Variants in VPS8 observed in about 807,000 individuals in gnomAD.
The protein encoded by VPS8 is vacuolar protein sorting-associated protein 8 homolog.
VPS8 carries 129 observed loss-of-function variants against 216.4 expected under a neutral mutation model. The observed-to-expected ratio is 0.60, with a 90% confidence interval of 0.52 to 0.69. The LOEUF is 0.69. Ranked by LOEUF, VPS8 falls within the 30% of genes least tolerant of loss-of-function variation. The pLI is 0.00. For synonymous variants in VPS8, 571 were observed against 565.4 expected (o/e 1.01, Z -0.14); for missense variants, 1,531 against 1,683.5 (o/e 0.91, Z 1.59).
chr3:185,006,206 G>T (rs1225326071), intron 45 of VPS8, among the ~76,000 whole-genome samples: 2 of 152,164 alleles, frequency 1.3e-5, no homozygotes, highest in Non-Finnish European at 2.9e-5. Flanking sequence ...TCTTGCATAA[G>T]ATATTGTAAA....
chr3:184,872,330 G>T (rs1400800255), intron 21 of VPS8, among the ~76,000 whole-genome samples: 1 of 151,946 alleles, frequency 6.6e-6, no homozygotes, highest in Non-Finnish European at 1.5e-5. Flanking sequence ...GGGAAAACGT[G>T]GTAGAGAGCT....
chr3:185,044,858 A>AT (rs1401448218), intron 46 of VPS8, among the ~76,000 whole-genome samples: 4 of 152,326 alleles, frequency 2.6e-5, no homozygotes, highest in Middle Eastern at 3.4e-3. Flanking sequence ...ATGAGGGTCT[A>AT]TGAAGAGTCA....
chr3:185,007,556 G>A (rs1264296733), intron 45 of VPS8, among the ~76,000 whole-genome samples: 4 of 152,254 alleles, frequency 2.6e-5, no homozygotes, highest in South Asian at 2.1e-4. Flanking sequence ...AGTTAACAGG[G>A]CTTGGCGTTC....
chr3:184,965,535 T>C (rs1428970979), intron 38 of VPS8, among the ~76,000 whole-genome samples: 1 of 152,198 alleles, frequency 6.6e-6, no homozygotes, highest in Admixed American at 6.5e-5. Context: ...GCAGCTTCAC[T>C]AGGGCTCCGC....
chr3:184,857,197 G>A (rs1487531412), intron 14 of VPS8, among the ~76,000 whole-genome samples: 1 of 152,224 alleles, frequency 6.6e-6, no homozygotes, highest in Non-Finnish European at 1.5e-5. Context: ...AACTTGTGGT[G>A]GAAAATATAA....
chr3:184,998,054 G>C (rs1400955444), intron 44 of VPS8, among the ~76,000 whole-genome samples: 2 of 152,182 alleles, frequency 1.3e-5, no homozygotes, highest in African/African-American at 4.8e-5. Context: ...GAGGAGGCTA[G>C]TGGCACCTGA....
intron 5 of VPS8, among the ~76,000 whole-genome samples, chr3:184,838,136 G>C (rs923005868): frequency 2.6e-4 from 40 of 152,194 alleles, no homozygotes; most frequent in African/African-American, 9.2e-4. Context: ...TTGAACAGAT[G>C]AGGAGACTAA....
chr3:185,022,048 A>G (rs190897896), intron 45 of VPS8, among the ~76,000 whole-genome samples: 46 of 152,272 alleles, frequency 3.0e-4, no homozygotes, highest in Non-Finnish European at 1.5e-5. Context: ...GTGTCGGGAA[A>G]GGGACCTGGT....
At chr3:184,888,628 G>GA (rs1355527050) in intron 22 of VPS8, among the ~76,000 whole-genome samples, 2 of 152,150 alleles carry the variant, frequency 1.3e-5, no homozygotes, top group Non-Finnish European at 2.9e-5. Flanking sequence ...TGTAAAGAGA[G>GA]AAAATGTTAT....
chr3:184,902,983 G>T (rs1408485933), intron 25 of VPS8, among the ~76,000 whole-genome samples: 1 of 152,146 alleles, frequency 6.6e-6, no homozygotes. Flanking sequence ...TAAAGTTCAA[G>T]GATTTTTTTC....
intron 25 of VPS8, among the ~76,000 whole-genome samples, chr3:184,908,475 C>T (rs951153481): frequency 2.0e-5 from 3 of 152,218 alleles, no homozygotes; most frequent in Non-Finnish European, 4.4e-5. Context: ...GCAGCAGCAC[C>T]CAGACAAGGG....
At chr3:184,833,162 T>C (rs1218887214) in intron 4 of VPS8, among the ~76,000 whole-genome samples, 2 of 151,948 alleles carry the variant, frequency 1.3e-5, no homozygotes, top group Admixed American at 1.3e-4. Flanking sequence ...CTCCCGCACC[T>C]CCCTGTCATC....
intron 45 of VPS8, among the ~76,000 whole-genome samples, chr3:185,008,878 G>C (rs572470750): frequency 4.6e-5 from 7 of 152,278 alleles, no homozygotes; most frequent in African/African-American, 1.7e-4. Context: ...CAAATATATA[G>C]TTTCAAATTG....
intron 5 of VPS8, among the ~76,000 whole-genome samples, chr3:184,837,067 G>C (rs1236576288): frequency 6.6e-6 from 1 of 151,748 alleles, no homozygotes; most frequent in Non-Finnish European, 1.5e-5. Context: ...AGATTCCTGG[G>C]GCTCACCCCA....
chr3:185,015,851 A>G (rs1011187347), intron 45 of VPS8, among the ~76,000 whole-genome samples: 1 of 152,196 alleles, frequency 6.6e-6, no homozygotes, highest in African/African-American at 2.4e-5. Context: ...ATTTGATCCA[A>G]ATAAGGAGTT....
Position 184,957,405 on chromosome 3 carries a change from C to A in VPS8, c.3067C>A (p.Gln1023Lys), listed in dbSNP as rs891817099. Reference sequence around the variant, plus strand: ...TATTCATGTAAATCAAGAATTACTGCAAATATCTCCTTGTATCACAGAGCA... The same window carrying A: ...TATTCATGTAAATCAAGAATTACTGAAAATATCTCCTTGTATCACAGAGCA... ...EGIHVNQELL[Q>K]ISPCITEQFI... Residue 1023 changes from glutamine to lysine, a missense_variant, in exon 37 of 48, where the codon CAA becomes AAA. Transcript: ENST00000625842. 16 of 1,611,162 alleles carry A rather than the reference C, an allele frequency of 9.9e-6. No individual in the cohort carries two copies. Among genetic ancestry groups the A allele is most frequent in the African/African-American group, 1.3e-5 (1 of 74,894 alleles).
Position 184,994,025 on chromosome 3 carries a change from C to A in VPS8, c.3628C>A (p.Leu1210Ile). Residue 1210 changes from leucine to isoleucine, a missense_variant, in exon 43 of 48, where the codon CTT becomes ATT. By Grantham distance (5) the Leu-to-Ile change is conservative. Transcript: ENST00000625842. ...GKGKLGEIQG[L>I]ILGMLDTFNY... ...AGGAAAACTTGGAGAAATCCAGGGA[C>A]TTATCTTGGGAATGTTAGATACCTT... The A allele has an allele frequency of 6.4e-7, 1 of 1,568,064 alleles. No individual in the cohort carries two copies. Among genetic ancestry groups the A allele is most frequent in the South Asian group, 1.2e-5 (1 of 81,828 alleles).
intron 1 of VPS8, among the ~76,000 whole-genome samples, chr3:184,820,260 C>A (rs1448345010): frequency 6.6e-6 from 1 of 152,184 alleles, no homozygotes; most frequent in Non-Finnish European, 1.5e-5. Flanking sequence ...TGGAGGCTCT[C>A]GGAGACCATC....
At position 184,824,194 on chromosome 3, in the gene VPS8, A is replaced by C. The variant is rs1192740033; in HGVS notation, c.-88-351A>C. ...GGTTTGGAATGTAAAGAAGGCATTA[A>C]TTGCAGCTTTTGGCACCGATTTACC... On this transcript the variant is annotated intron_variant, in intron 1 of 47. Transcript: ENST00000625842. 7.0e-5 allele frequency: 11 copies of C among 157,202 alleles called. No homozygotes were observed. In the East Asian group the frequency reaches 2.0e-3, roughly 28 times the overall value. The allele number at this position is 157,202 out of a possible 1,614,324, so 9.7% of individuals were successfully genotyped here. A position where few individuals can be genotyped will look rare whatever the true frequency, so the allele number is the denominator to read the frequency against.
Sources: allele counts gnomAD v4.1 joint callset (sites outside exome capture counted in the v4.1 genomes callset), GRCh38; gene constraint gnomAD v4.1.1; transcripts MANE v1.5; gene names NCBI Gene and HGNC (gene_info 2026-07-23, HGNC 2026-07-21).